Variants in VKORC1L1 observed in about 807,000 individuals in gnomAD.
VKORC1L1 encodes vitamin K epoxide reductase complex subunit 1L1.
In VKORC1L1, 2 loss-of-function variants were observed where a neutral mutation model predicts 18.9. The observed-to-expected ratio is 0.11, with a 90% CI of 0.04 to 0.33. The LOEUF (loss-of-function observed/expected upper bound fraction) is 0.33, where lower values mean the gene tolerates loss of function less well. Ranked by LOEUF, VKORC1L1 falls within the 10% of genes least tolerant of loss-of-function variation. The pLI, the probability that VKORC1L1 is intolerant of heterozygous loss-of-function variation, is 1.00. For synonymous variants in VKORC1L1, 96 were observed against 100.0 expected (o/e 0.96, Z 0.24); for missense variants, 123 against 224.1 (o/e 0.55, Z 2.88).
intron 1 of VKORC1L1, among the ~76,000 whole-genome samples, chr7:65,879,150 C>T (rs1788880797): frequency 6.6e-6 from 1 of 152,088 alleles, no homozygotes; most frequent in African/African-American, 2.4e-5. Context: ...TTATTGATAG[C>T]CTGCTTTTTG....
chr7:65,935,533 TCTC>T (rs976425516), intron 1 of VKORC1L1, among the ~76,000 whole-genome samples: 2 of 152,056 alleles, frequency 1.3e-5, no homozygotes, highest in African/African-American at 4.8e-5. Flanking sequence ...TGATCTTCGA[TCTC>T]CTGACCTCGT....
intron 1 of VKORC1L1, among the ~76,000 whole-genome samples, chr7:65,916,183 G>A (rs1789586806): frequency 6.7e-6 from 1 of 150,336 alleles, no homozygotes; most frequent in East Asian, 2.0e-4. Context: ...GATACAGTTT[G>A]TATAGAGAAG....
intron 1 of VKORC1L1, among the ~76,000 whole-genome samples, chr7:65,892,822 C>T (rs1789130026): frequency 1.3e-5 from 2 of 152,176 alleles, no homozygotes; most frequent in South Asian, 2.1e-4. Flanking sequence ...TCTTCTATTC[C>T]TGTTTGTCCT....
chr7:65,918,392 T>C (rs1281864073), intron 1 of VKORC1L1, among the ~76,000 whole-genome samples: 1 of 152,246 alleles, frequency 6.6e-6, no homozygotes, highest in Non-Finnish European at 1.5e-5. Context: ...AGCAAAGGCA[T>C]TCGTATGACC....
At chr7:65,902,845 C>G (rs1028944566) in intron 1 of VKORC1L1, among the ~76,000 whole-genome samples, 1 of 149,460 alleles carries the variant, frequency 6.7e-6, no homozygotes, top group African/African-American at 2.5e-5. Flanking sequence ...TGAGAGACAT[C>G]TTTAATTTTA....
intron 1 of VKORC1L1, among the ~76,000 whole-genome samples, chr7:65,944,879 T>C (rs1790091876): frequency 1.3e-5 from 2 of 150,196 alleles, no homozygotes; most frequent in Non-Finnish European, 3.0e-5. Context: ...ATTGCACCAC[T>C]GCACTCTAAC....
intron 1 of VKORC1L1, among the ~76,000 whole-genome samples, chr7:65,907,719 G>A (rs997198741): frequency 6.6e-6 from 1 of 152,158 alleles, no homozygotes; most frequent in Non-Finnish European, 1.5e-5. Flanking sequence ...GTAGGCTAAT[G>A]ATCTACAGAT....
At chr7:65,877,074 T>C (rs1792170094) in intron 1 of VKORC1L1, among the ~76,000 whole-genome samples, 1 of 152,116 alleles carries the variant, frequency 6.6e-6, no homozygotes, top group African/African-American at 2.4e-5. Context: ...AAAACCTACT[T>C]TGCCAGATTA....
intron 1 of VKORC1L1, among the ~76,000 whole-genome samples, chr7:65,931,881 A>G (rs986245345): frequency 1.3e-5 from 2 of 151,814 alleles, no homozygotes; most frequent in African/African-American, 4.8e-5. Context: ...ACCTCAGGTG[A>G]TCCCTGGCCT....
chr7:65,869,909 C>G (rs959238546), upstream of VKORC1L1, among the ~76,000 whole-genome samples: 1 of 151,408 alleles, frequency 6.6e-6, no homozygotes, highest in African/African-American at 2.4e-5. Flanking sequence ...CCCACATTGG[C>G]CTCCCAAAGC....
intron 1 of VKORC1L1, among the ~76,000 whole-genome samples, chr7:65,892,704 GA>G (rs1245358200): frequency 6.6e-6 from 1 of 152,122 alleles, no homozygotes; most frequent in Non-Finnish European, 1.5e-5. Context: ...ACATGAAGAT[GA>G]TGATGATGAT....
chr7:65,873,503 C>A lies in VKORC1L1; in HGVS notation c.132C>A (p.Pro44=), dbSNP rs771339016. Reference sequence around the variant, plus strand: ...TGGAGCGGGAGAAGGAGCGGGACCCCGAGCACCGGGCCCTCTGCGACCTGG... The same window carrying A: ...TGGAGCGGGAGAAGGAGCGGGACCCAGAGCACCGGGCCCTCTGCGACCTGG... ...YHVEREKERD[P]EHRALCDLGP... is the part of the protein sequence containing the mutation. Residue 44 remains proline, a synonymous_variant, in exon 1 of 3, where the codon CCC becomes CCA. Transcript: ENST00000360768. The A allele has an allele frequency of 6.3e-7, 1 of 1,592,974 alleles. No individual in the cohort carries two copies. Among genetic ancestry groups the A allele is most frequent in the South Asian group, 1.1e-5 (1 of 89,600 alleles).
At chr7:65,884,210 A>G (rs1788975910) in intron 1 of VKORC1L1, among the ~76,000 whole-genome samples, 1 of 152,214 alleles carries the variant, frequency 6.6e-6, no homozygotes, top group Non-Finnish European at 1.5e-5. Context: ...GTTAACTCAT[A>G]GGATTATTGT....
intron 1 of VKORC1L1, among the ~76,000 whole-genome samples, chr7:65,913,526 G>A (rs749365361): frequency 1.6e-4 from 24 of 151,992 alleles, no homozygotes; most frequent in Non-Finnish European, 3.2e-4. Flanking sequence ...AGGAGTTTGA[G>A]ACCAGCCTGG....
chr7:65,894,169 G>A (rs182796907), intron 1 of VKORC1L1, among the ~76,000 whole-genome samples: 364 of 151,886 alleles, frequency 2.4e-3, no homozygotes, highest in African/African-American at 8.3e-3. Context: ...TGGCCAGGCT[G>A]GTCTCGAACT....
rs140249099 is a variant in VKORC1L1 at position 65,899,399 on chromosome 7, G to T, written c.194+25834G>T. Among the ~76,000 whole-genome samples the T allele has an allele frequency of 3.0e-4, 45 of 152,298 alleles. No individual in the cohort carries two copies. The East Asian group carries it at 8.1e-3, about 27-fold the overall frequency. On this transcript the variant is annotated intron_variant, in intron 1 of 2. Coordinates refer to ENST00000360768, the MANE Select transcript of VKORC1L1 (RefSeq NM_173517.6). Reference sequence around the variant, plus strand: ...TCTCATATCTCTGACCTGGAAAAAAGGGGGTTTTTCATTCTGCTAGCTTTT... The same window carrying T: ...TCTCATATCTCTGACCTGGAAAAAATGGGGTTTTTCATTCTGCTAGCTTTT...
At chr7:65,928,141 A>G (rs1004125825) in intron 1 of VKORC1L1, among the ~76,000 whole-genome samples, 2 of 152,130 alleles carry the variant, frequency 1.3e-5, no homozygotes, top group Admixed American at 1.3e-4. Context: ...GCTTCTATAC[A>G]GTGATATTCA....
upstream of VKORC1L1, among the ~76,000 whole-genome samples, chr7:65,868,397 T>C (rs1237799525): frequency 6.6e-6 from 1 of 152,258 alleles, no homozygotes; most frequent in East Asian, 1.9e-4. Flanking sequence ...AGTACAACCA[T>C]TACAGAAAAC....
chr7:65,868,760 A>T (rs1270241750), upstream of VKORC1L1, among the ~76,000 whole-genome samples: 3 of 152,370 alleles, frequency 2.0e-5, no homozygotes, highest in East Asian at 5.8e-4. Context: ...TGGGAGTTAA[A>T]CAATAGGTAC....
Sources: allele counts gnomAD v4.1 joint callset (sites outside exome capture counted in the v4.1 genomes callset), GRCh38; gene constraint gnomAD v4.1.1; transcripts MANE v1.5; gene names NCBI Gene and HGNC (gene_info 2026-07-23, HGNC 2026-07-21).